Variants in LPO observed in about 807,000 individuals in gnomAD.
LPO encodes the protein lactoperoxidase.
Under a neutral mutation model 68.4 loss-of-function variants are expected in LPO, and 70 were observed. The observed-to-expected ratio is 1.02, with a 90% CI of 0.84 to 1.25. The LOEUF is 1.25. LPO is among the 50% of genes most tolerant of loss of function. LPO has a pLI of 0.00. For synonymous variants in LPO, 360 were observed against 357.6 expected, an observed-to-expected ratio of 1.01 and a Z score of -0.08; for missense variants, 873 against 908.4, an observed-to-expected ratio of 0.96 and a Z score of 0.50.
chr17:58,247,311 TG>T, intron 3 of LPO, among the ~76,000 whole-genome samples, 166 bp from the exon 4 acceptor site: 1 of 152,318 alleles, frequency 6.6e-6, no homozygotes, highest in African/African-American at 2.4e-5. Flanking sequence ...TTAATTTTAA[TG>T]AGTTTCAATT....
In LPO at chr17:58,252,547, G is replaced by T. The variant is rs369922175; in HGVS notation, c.1105+41G>T. 6.4e-6 allele frequency: 10 copies of T among 1,571,878 alleles called. No homozygotes were observed. The African/African-American group carries it at 9.5e-5, about 15-fold the overall frequency. ...GAACAGAAGGGCCCAAGGACAAGGG[G>T]ATTATCCAGGGAAGCTTTACCACTG... On this transcript the variant is annotated intron_variant, in intron 8 of 12. Coordinates refer to ENST00000262290, the MANE Select transcript of LPO (RefSeq NM_006151.3).
At chr17:58,249,474 C>A in intron 5 of LPO, 92 bp from the exon 6 acceptor site, 1 of 1,508,402 alleles carries the variant, frequency 6.6e-7, no homozygotes, top group East Asian at 2.3e-5. Context: ...TCCCCTCCGC[C>A]TCGAGCAGAG....
chr17:58,265,614 C>CAG (rs1970248439), intron 10 of LPO, among the ~76,000 whole-genome samples: 1 of 117,358 alleles, frequency 8.5e-6, no homozygotes, highest in East Asian at 2.9e-4. Flanking sequence ...CAGGGTCTTA[C>CAG]TCTGTCACCC....
At position 58,267,979 on chromosome 17, in the gene LPO, C is replaced by A; in HGVS notation, c.2124C>A (p.Ala708=). Residue 708 remains alanine (A), a synonymous_variant, in exon 13 of 13, where the codon GCC becomes GCA. Transcript: ENST00000262290. ...ACAAGCTGGACCTGTCACCCTGGGC[C>A]TCAGTGAAGAATTAGGGGCCCGCGC... ...AIDKLDLSPW[A]SVKN 6.2e-7 allele frequency: 1 copy of A among 1,613,786 alleles called. No homozygotes were observed. Among genetic ancestry groups the A allele is most frequent in the African/African-American group, 1.3e-5 (1 of 75,026 alleles).
At chr17:58,244,267 C>G (rs1969813887) in intron 3 of LPO, 186 bp downstream of exon 3, 1 of 607,696 alleles carries the variant, frequency 1.6e-6, no homozygotes. Context: ...AGCAATAGCC[C>G]ACAATTCCTA....
intron 9 of LPO, among the ~76,000 whole-genome samples, chr17:58,260,978 T>C (rs1224142684): frequency 6.6e-6 from 1 of 152,232 alleles, no homozygotes; most frequent in Non-Finnish European, 1.5e-5. Context: ...GATTCCATCA[T>C]GATCAGAAAC....
chr17:58,253,022 CAAAAAAAAAAAA>C (rs765890765), intron 8 of LPO, among the ~76,000 whole-genome samples: 15 of 31,108 alleles, frequency 4.8e-4, no homozygotes, highest in East Asian at 3.5e-3. Context: ...GACTCCATCT[CAAAAAAAAAAAA>C]AAAAAAAAAA....
intron 9 of LPO, among the ~76,000 whole-genome samples, chr17:58,262,580 A>G (rs1394113924): frequency 6.6e-6 from 1 of 152,046 alleles, no homozygotes; most frequent in East Asian, 1.9e-4. Flanking sequence ...TTTAGTAGAG[A>G]CAGGATTTCA....
Position 58,264,896 on chromosome 17 carries a change from A to T in LPO, c.1441A>T (p.Asn481Tyr). 6.2e-7 allele frequency: 1 copy of T among 1,614,136 alleles called. No individual in the cohort carries two copies. The highest frequency in any genetic ancestry group is 8.5e-7 in the Non-Finnish European group (1 of 1,180,032). ...CTCTAGTATGTTCCGCCTGGATGAG[A>T]ATTATCAGCCATGGGGGCCAGAACC... ...VPSSMFRLDE[N>Y]YQPWGPEPEL... Residue 481 changes from asparagine (N) to tyrosine (Y), a missense_variant, in exon 10 of 13, where the codon AAT becomes TAT. Coordinates refer to ENST00000262290, the MANE Select transcript of LPO (RefSeq NM_006151.3).
chr17:58,244,001 T>A lies in LPO; in HGVS notation c.84T>A (p.Thr28=). The change falls in exon 3 of 13, where the codon ACT becomes ACA. Residue 28 remains threonine (T), a synonymous_variant. Transcript: ENST00000262290. ...CCCCACTCCAACCCCAAGCGCAGAC[T>A]ACCAGAACCTCTGCCATCTCCGATA... The part of the protein sequence containing the change: ...QAAASTTRAQ[T]TRTSAISDTV... 1 of 1,613,366 alleles carries A rather than the reference T, an allele frequency of 6.2e-7. No individual in the cohort carries two copies. Among genetic ancestry groups the A allele is most frequent in the Non-Finnish European group, 8.5e-7 (1 of 1,179,690 alleles).
intron 6 of LPO, 38 bp downstream of exon 6, chr17:58,249,733 A>G: frequency 6.5e-7 from 1 of 1,532,608 alleles, no homozygotes; most frequent in Non-Finnish European, 8.7e-7. Flanking sequence ...GATGGGAGCC[A>G]GAGGGGACGG....
chr17:58,243,683 A>T, intron 2 of LPO: 1 of 434,102 alleles, frequency 2.3e-6, no homozygotes, highest in South Asian at 2.6e-5. Context: ...ACCAGGAACC[A>T]GAGAAATCCC....
At chr17:58,253,022 C>CAAAA (rs765890765) in intron 8 of LPO, among the ~76,000 whole-genome samples, 392 of 29,666 alleles carry the variant, frequency 0.013, no homozygotes, top group East Asian at 0.015. Context: ...GACTCCATCT[C>CAAAA]AAAAAAAAAA....
intron 9 of LPO, among the ~76,000 whole-genome samples, chr17:58,255,589 G>A (rs751093960): frequency 4.6e-5 from 7 of 152,194 alleles, no homozygotes; most frequent in South Asian, 4.1e-4. Flanking sequence ...AGCTGGAGGC[G>A]CAGCACCGAG....
chr17:58,252,584 T>C (rs1969983177), intron 8 of LPO, 78 bp downstream of exon 8: 13 of 1,412,626 alleles, frequency 9.2e-6, no homozygotes, highest in Non-Finnish European at 1.1e-5. Flanking sequence ...CCCCTTCTTG[T>C]CATCTTTCTG....
At position 58,264,807 on chromosome 17, in the gene LPO, C is replaced by T; in HGVS notation, c.1352C>T (p.Ser451Phe). 1 of 1,614,254 alleles carries T rather than the reference C, an allele frequency of 6.2e-7. No individual in the cohort carries two copies. The highest frequency in any genetic ancestry group is 8.5e-7 in the Non-Finnish European group (1 of 1,180,044). Residue 451 changes from serine to phenylalanine, a missense_variant, in exon 10 of 13, where the codon TCT becomes TTT. By Grantham distance (155) the Ser-to-Phe change is radical (BLOSUM62 -2). Transcript: ENST00000262290. ...WIPPYQGYSE[S>F]VDPRISNVFT... ...CCCCCATATCAAGGCTACAGTGAATCTGTGGATCCCAGAATTTCCAATGTC... is the reference window on the plus strand; with the variant it reads ...CCCCCATATCAAGGCTACAGTGAATTTGTGGATCCCAGAATTTCCAATGTC...
intron 9 of LPO, among the ~76,000 whole-genome samples, chr17:58,261,653 A>G (rs1326090121): frequency 6.6e-6 from 1 of 151,848 alleles, no homozygotes. Flanking sequence ...TAAATCTCCC[A>G]TATCTCTCAT....
chr17:58,241,624 G>A (rs534339195), intron 1 of LPO, among the ~76,000 whole-genome samples: 2 of 152,142 alleles, frequency 1.3e-5, no homozygotes, highest in African/African-American at 2.4e-5. Context: ...CCCACTGAGA[G>A]GTCAAGCTGT....
intron 9 of LPO, among the ~76,000 whole-genome samples, chr17:58,261,318 T>G (rs1970170947): frequency 6.6e-6 from 1 of 152,244 alleles, no homozygotes; most frequent in Non-Finnish European, 1.5e-5. Context: ...TGTTGTTTGA[T>G]CCATATCATT....
Sources: allele counts gnomAD v4.1 joint callset (sites outside exome capture counted in the v4.1 genomes callset), GRCh38; gene constraint gnomAD v4.1.1; transcripts MANE v1.5; gene names NCBI Gene and HGNC (gene_info 2026-07-23, HGNC 2026-07-21).